COL25A1: variants seen among roughly 807,000 people sequenced by gnomAD.
The protein encoded by COL25A1 is collagen alpha-1(XXV) chain.
In COL25A1, 103 loss-of-function variants were observed where a neutral mutation model predicts 128.4. That is an observed-to-expected ratio of 0.80 (90% CI 0.68 to 0.94). The LOEUF (loss-of-function observed/expected upper bound fraction) is 0.94, where lower values mean the gene tolerates loss of function less well. Ranked by LOEUF, COL25A1 falls within the 40% of genes least tolerant of loss-of-function variation. COL25A1 has a pLI of 0.00. For missense variants in COL25A1, 745 were observed against 840.0 expected (o/e 0.89, Z 1.40); for synonymous variants, 279 against 277.2 (o/e 1.01, Z -0.06).
Position 109,292,462 on chromosome 4 carries a change from C to A in COL25A1, c.367+8121G>T, listed in dbSNP as rs192236649. Among the ~76,000 whole-genome samples the A allele has an allele frequency of 1.1e-3, 169 of 152,100 alleles. 3 individuals carry two copies. The highest frequency in any genetic ancestry group is 3.7e-3 in the African/African-American group (155 of 41,496). On this transcript the variant is annotated intron_variant, in intron 3 of 37. Coordinates refer to ENST00000399132, the MANE Select transcript of COL25A1 (RefSeq NM_198721.4). ...AAAGCCTCAACCCACATTTTCAGAT[C>A]TTCATCATAAACATCTTGCTGTTTT...
At chr4:109,072,054 C>CT (rs1027855482) in intron 3 of COL25A1, among the ~76,000 whole-genome samples, 1 of 152,048 alleles carries the variant, frequency 6.6e-6, no homozygotes, top group Admixed American at 6.5e-5. Context: ...TTTTTGTTTT[C>CT]TTTTTTCATA....
chr4:109,021,547 A>G (rs2125901063), intron 5 of COL25A1, among the ~76,000 whole-genome samples: 1 of 152,306 alleles, frequency 6.6e-6, no homozygotes, highest in East Asian at 1.9e-4. Context: ...ATGTGTTTGA[A>G]CAATATGAAA....
At chr4:108,886,259 G>A (rs764975088) in intron 18 of COL25A1, among the ~76,000 whole-genome samples, 50 of 152,084 alleles carry the variant, frequency 3.3e-4, no homozygotes, top group African/African-American at 1.2e-3. Flanking sequence ...GTGGAACATC[G>A]CCTAACATTT....
chr4:109,201,368 A>T (rs577474989), intron 3 of COL25A1, among the ~76,000 whole-genome samples: 239 of 152,342 alleles, frequency 1.6e-3, no homozygotes, highest in African/African-American at 5.5e-3. Flanking sequence ...TCCACCACAC[A>T]ACAGGCTAAG....
intron 3 of COL25A1, among the ~76,000 whole-genome samples, chr4:109,252,189 A>G (rs1780698222): frequency 6.6e-6 from 1 of 152,244 alleles, no homozygotes; most frequent in Admixed American, 6.5e-5. Flanking sequence ...CTATTCCAGT[A>G]AGAACAAAAT....
chr4:108,931,474 C>T (rs548531636), intron 11 of COL25A1, among the ~76,000 whole-genome samples: 2 of 152,284 alleles, frequency 1.3e-5, no homozygotes, highest in Admixed American at 6.5e-5. Flanking sequence ...CAGACAGAGT[C>T]ATCTACTCAG....
intron 16 of COL25A1, among the ~76,000 whole-genome samples, chr4:108,893,212 G>T (rs1233816698): frequency 1.3e-5 from 2 of 151,592 alleles, no homozygotes; most frequent in African/African-American, 4.8e-5. Flanking sequence ...GGAGAGGGGA[G>T]CAAAGAAAAA....
rs146593917 is a variant in COL25A1, at chr4:109,067,653, T to G, written c.368-17474A>C. 1.7e-3 allele frequency among the ~76,000 whole-genome samples: 257 copies of G among 152,330 alleles called. 2 individuals carry two copies. The East Asian group carries it at 0.022, about 13-fold the overall frequency. On this transcript the variant is annotated intron_variant, in intron 3 of 37. Coordinates refer to ENST00000399132, the MANE Select transcript of COL25A1 (RefSeq NM_198721.4). ...CCTGGTGAACAGTTTTTGTTTTCTT[T>G]TCCAGGGAGTAGTTTATGTACTAAG...
chr4:109,138,434 C>A lies in COL25A1; in HGVS notation c.368-88255G>T, dbSNP rs999470816. On this transcript the variant is annotated intron_variant, in intron 3 of 37. Transcript: ENST00000399132. ...CAAGTCTTTGCTATTGTGAATAGTGCCGCAATAAACATACATGTGCATGTG... is the reference window on the plus strand; with the variant it reads ...CAAGTCTTTGCTATTGTGAATAGTGACGCAATAAACATACATGTGCATGTG... Among the ~76,000 whole-genome samples, 6 of 152,124 alleles carry A rather than the reference C, an allele frequency of 3.9e-5. No homozygotes were observed. In the East Asian group the frequency reaches 1.2e-3, roughly 29 times the overall value.
intron 3 of COL25A1, among the ~76,000 whole-genome samples, chr4:109,123,375 A>G (rs1277263811): frequency 6.6e-6 from 1 of 152,054 alleles, no homozygotes; most frequent in East Asian, 1.9e-4. Context: ...ACAAAATCAT[A>G]TCATTCTATT....
In COL25A1 at chr4:108,941,493, T is replaced by C. The variant is rs1336336207; in HGVS notation, c.493-56A>G. 8 of 1,287,544 alleles carry C rather than the reference T, an allele frequency of 6.2e-6. No homozygotes were observed. The East Asian group carries it at 6.9e-5, about 11-fold the overall frequency. 79.8% of individuals were successfully genotyped at this position (1,287,544 alleles called of 1,614,324 possible). On this transcript the variant is annotated intron_variant, in intron 8 of 37. Coordinates refer to ENST00000399132, the MANE Select transcript of COL25A1 (RefSeq NM_198721.4). Reference sequence around the variant, plus strand: ...GTTCAGAGATGAGAGAGTTGAAGAATAGACATCAGAAGGCCCCAAGAAAGA... The same window carrying C: ...GTTCAGAGATGAGAGAGTTGAAGAACAGACATCAGAAGGCCCCAAGAAAGA...
intron 3 of COL25A1, among the ~76,000 whole-genome samples, chr4:109,283,424 TTTTC>T (rs1723577544): frequency 6.6e-6 from 1 of 152,078 alleles, no homozygotes; most frequent in African/African-American, 2.4e-5. Context: ...TTTTTTTTCT[TTTTC>T]TTTTTCTTTT....
intron 3 of COL25A1, among the ~76,000 whole-genome samples, chr4:109,080,905 A>C (rs1763778202): frequency 6.6e-6 from 1 of 152,218 alleles, no homozygotes; most frequent in African/African-American, 2.4e-5. Flanking sequence ...TGATACGCCA[A>C]GCATTGTGCT....
intron 3 of COL25A1, among the ~76,000 whole-genome samples, chr4:109,294,336 A>G (rs991093301): frequency 6.6e-6 from 1 of 152,122 alleles, no homozygotes; most frequent in African/African-American, 2.4e-5. Flanking sequence ...AAAAGTGCTC[A>G]ATTTTAATTT....
intron 3 of COL25A1, among the ~76,000 whole-genome samples, chr4:109,093,982 A>C (rs1765182950): frequency 6.6e-6 from 1 of 152,190 alleles, no homozygotes; most frequent in South Asian, 2.1e-4. Flanking sequence ...GTAATGTCAC[A>C]GGCCCTGTTT....
At chr4:108,820,511 T>C (rs1731666133) in intron 35 of COL25A1, among the ~76,000 whole-genome samples, 1 of 152,214 alleles carries the variant, frequency 6.6e-6, no homozygotes, top group African/African-American at 2.4e-5. Flanking sequence ...AGCAAAACTT[T>C]TTTTAAAAGA....
intron 3 of COL25A1, among the ~76,000 whole-genome samples, chr4:109,265,281 C>G (rs1781712222): frequency 6.6e-6 from 1 of 152,188 alleles, no homozygotes; most frequent in Non-Finnish European, 1.5e-5. Flanking sequence ...GCACAGTATT[C>G]AGCATGAGCT....
intron 8 of COL25A1, among the ~76,000 whole-genome samples, chr4:108,961,339 G>A (rs1455384531): frequency 6.6e-6 from 1 of 152,018 alleles, no homozygotes; most frequent in African/African-American, 2.4e-5. Flanking sequence ...ACTGAAATAC[G>A]TTCACACACT....
chr4:109,210,118 C>T (rs917519332), intron 3 of COL25A1, among the ~76,000 whole-genome samples: 7 of 150,822 alleles, frequency 4.6e-5, no homozygotes, highest in African/African-American at 1.7e-4. Flanking sequence ...TTCATTATAG[C>T]TCTGTGATGA....
Sources: gnomAD v4.1 joint callset for allele counts (sites outside exome capture counted in the v4.1 genomes callset) on GRCh38, gnomAD v4.1.1 for gene constraint, MANE v1.5 for transcripts, NCBI Gene and HGNC (gene_info 2026-07-23, HGNC 2026-07-21) for gene names.